The following SLC44A5 variants were observed in gnomAD, a reference collection of about 807,000 sequenced individuals.
SLC44A5 encodes solute carrier family 44 member 5.
Under a neutral mutation model 101.8 loss-of-function variants are expected in SLC44A5, and 57 were observed. That is an observed-to-expected ratio of 0.56 (90% CI 0.45 to 0.70). The LOEUF (loss-of-function observed/expected upper bound fraction) is 0.70, where lower values mean the gene tolerates loss of function less well. SLC44A5 is among the 30% of genes least tolerant of loss of function. The probability of loss-of-function intolerance (pLI) is 0.00; values close to 1 mark genes in which losing one functional copy is unlikely to be tolerated. For missense variants in SLC44A5, 737 were observed against 853.1 expected (o/e 0.86, Z 1.70); for synonymous variants, 281 against 290.9 (o/e 0.97, Z 0.35).
chr1:75,242,645 A>T (rs1272015565), intron 8 of SLC44A5, among the ~76,000 whole-genome samples: 1 of 152,048 alleles, frequency 6.6e-6, no homozygotes, highest in Non-Finnish European at 1.5e-5. Context: ...AGTGTCGGGG[A>T]ATAGTAGAAG....
chr1:75,564,161 A>G (rs998306229), intron 1 of SLC44A5, among the ~76,000 whole-genome samples: 1 of 152,204 alleles, frequency 6.6e-6, no homozygotes, highest in Admixed American at 6.5e-5. Flanking sequence ...ATCAATATCA[A>G]ATGGGCTAGA....
At chr1:75,417,275 G>C (rs1191623617) in intron 2 of SLC44A5, among the ~76,000 whole-genome samples, 1 of 152,160 alleles carries the variant, frequency 6.6e-6, no homozygotes, top group Non-Finnish European at 1.5e-5. Context: ...CTCTGCACAA[G>C]CTCTCTTTGC....
Position 75,307,435 on chromosome 1 carries a change from A to G in SLC44A5, c.102-6750T>C, listed in dbSNP as rs74883544. The stretch of plus-strand genomic sequence containing the variant: ...CACTTCCCACAGGCTTTATTAGAGG[A>G]TAATGCACTTTGGGGCCATCTTTCA... On this transcript the variant is annotated intron_variant, in intron 4 of 23. Coordinates refer to ENST00000370859, the MANE Select transcript of SLC44A5 (RefSeq NM_001130058.2). 1.4e-3 allele frequency among the ~76,000 whole-genome samples: 218 copies of G among 152,298 alleles called. 4 individuals carry two copies. The East Asian group carries it at 0.028, about 20-fold the overall frequency.
chr1:75,573,032 G>C (rs1258348536), intron 1 of SLC44A5, among the ~76,000 whole-genome samples: 1 of 149,416 alleles, frequency 6.7e-6, no homozygotes, highest in African/African-American at 2.5e-5. Flanking sequence ...CTGAGGCAGG[G>C]GAATTGCTTA....
At chr1:75,646,308 T>C in the SLC44A5 span, among the ~76,000 whole-genome samples, 1 of 150,690 alleles carries the variant, frequency 6.6e-6, no homozygotes, top group South Asian at 2.2e-4. Context: ...TTTATTTCAT[T>C]GAGCAGTGGT....
chr1:75,360,474 G>GT (rs1163192182), intron 3 of SLC44A5, among the ~76,000 whole-genome samples: 1 of 151,954 alleles, frequency 6.6e-6, no homozygotes. Context: ...CTGGCCAGTT[G>GT]TTTTTTGTAT....
chr1:75,615,413 TC>T (rs1675826888), upstream of SLC44A5, among the ~76,000 whole-genome samples: 1 of 69,712 alleles, frequency 1.4e-5, no homozygotes, highest in Non-Finnish European at 2.8e-5. Context: ...TCTCTCTCTC[TC>T]TTACACACAC....
chr1:75,374,710 C>T (rs185566872), intron 3 of SLC44A5, among the ~76,000 whole-genome samples: 195 of 152,248 alleles, frequency 1.3e-3, no homozygotes, highest in African/African-American at 4.4e-3. Flanking sequence ...ATCCCTTCAG[C>T]GCTCAATGCC....
At chr1:75,504,181 T>C (rs926196814) in intron 2 of SLC44A5, among the ~76,000 whole-genome samples, 1 of 152,138 alleles carries the variant, frequency 6.6e-6, no homozygotes, top group Non-Finnish European at 1.5e-5. Context: ...AGTATTTCCA[T>C]TTTCCCCAAG....
intron 4 of SLC44A5, among the ~76,000 whole-genome samples, chr1:75,331,337 G>A (rs1419668474): frequency 2.0e-5 from 3 of 152,122 alleles, no homozygotes; most frequent in Admixed American, 6.6e-5. Context: ...CTATAGGGGA[G>A]CATCATCCTC....
chr1:75,661,151 T>C, the SLC44A5 span, among the ~76,000 whole-genome samples: 3 of 151,858 alleles, frequency 2.0e-5, no homozygotes, highest in African/African-American at 7.3e-5. Context: ...CACAGACTAA[T>C]GGAACAGAAT....
chr1:75,691,754 G>C, the SLC44A5 span, among the ~76,000 whole-genome samples: 1 of 152,154 alleles, frequency 6.6e-6, no homozygotes, highest in Non-Finnish European at 1.5e-5. Context: ...CCTTTTCCTG[G>C]CTTGCAGATA....
intron 3 of SLC44A5, among the ~76,000 whole-genome samples, chr1:75,344,308 A>G (rs1460165781): frequency 6.6e-6 from 1 of 152,186 alleles, no homozygotes; most frequent in Non-Finnish European, 1.5e-5. Flanking sequence ...TCTGAGACAC[A>G]GTACTTCCAT....
chr1:75,657,441 A>G, the SLC44A5 span, among the ~76,000 whole-genome samples: 2 of 151,244 alleles, frequency 1.3e-5, no homozygotes, highest in African/African-American at 2.4e-5. Flanking sequence ...CCCAGCTACT[A>G]GGTAGGCTGA....
chr1:75,252,907 G>A (rs924622478), intron 6 of SLC44A5, among the ~76,000 whole-genome samples: 10 of 152,120 alleles, frequency 6.6e-5, no homozygotes, highest in Admixed American at 6.5e-4. Context: ...GAGCTGAAAG[G>A]GTTTGGAGGA....
chr1:75,274,179 G>GT (rs376382281), intron 6 of SLC44A5, among the ~76,000 whole-genome samples: 3,069 of 147,346 alleles, frequency 0.021, 100 homozygotes, highest in African/African-American at 0.071. Flanking sequence ...TTGCTTTGGG[G>GT]TTTTTTTTTT....
At chr1:75,640,086 G>A in the SLC44A5 span, among the ~76,000 whole-genome samples, 2 of 152,002 alleles carry the variant, frequency 1.3e-5, no homozygotes, top group African/African-American at 4.8e-5. Flanking sequence ...TTACTGTGTG[G>A]CAAACCACCC....
intron 1 of SLC44A5, among the ~76,000 whole-genome samples, chr1:75,609,947 G>A (rs1222759147): frequency 2.0e-5 from 3 of 151,984 alleles, no homozygotes; most frequent in Non-Finnish European, 2.9e-5. Context: ...GGATAGCTCT[G>A]GGTCGGGGCT....
the SLC44A5 span, among the ~76,000 whole-genome samples, chr1:75,680,120 G>C: frequency 1.3e-5 from 2 of 152,230 alleles, no homozygotes; most frequent in Admixed American, 6.5e-5. Context: ...AGCAAGTCTT[G>C]AGTGACCTAC....
Sources: allele counts gnomAD v4.1 joint callset (sites outside exome capture counted in the v4.1 genomes callset), GRCh38; gene constraint gnomAD v4.1.1; transcripts MANE v1.5; gene names NCBI Gene and HGNC (gene_info 2026-07-23, HGNC 2026-07-21).